VWF: variants seen among roughly 807,000 people sequenced by gnomAD.
VWF encodes Factor VIII related antigen.
Under a neutral mutation model 308.6 loss-of-function variants are expected in VWF, and 176 were observed. The observed-to-expected ratio is 0.57, with a 90% confidence interval of 0.50 to 0.65. VWF has a LOEUF of 0.65. VWF is among the 30% of genes least tolerant of loss of function. The pLI, the probability that VWF is intolerant of heterozygous loss-of-function variation, is 0.00. For synonymous variants in VWF, 1,385 were observed against 1,443.4 expected (o/e 0.96, Z 0.92); for missense variants, 3,146 against 3,648.2 (o/e 0.86, Z 3.55).
At chr12:6,029,787 T>C (rs1027436643) in intron 21 of VWF, among the ~76,000 whole-genome samples, 1 of 152,240 alleles carries the variant, frequency 6.6e-6, no homozygotes, top group Non-Finnish European at 1.5e-5. Flanking sequence ...GCAGGTATTT[T>C]ATTGACAATT....
chr12:5,957,512 A>G (rs1442632194), intron 47 of VWF, among the ~76,000 whole-genome samples: 1 of 152,146 alleles, frequency 6.6e-6, no homozygotes, highest in Non-Finnish European at 1.5e-5. Flanking sequence ...AAACTGTTAA[A>G]GCATCCAATA....
chr12:6,089,716 T>G (rs1945010296), intron 6 of VWF, among the ~76,000 whole-genome samples: 1 of 152,160 alleles, frequency 6.6e-6, no homozygotes, highest in Non-Finnish European at 1.5e-5. Flanking sequence ...AAGTACTTAC[T>G]CTGCACTGGG....
chr12:6,103,388 G>A (rs1473748544), intron 5 of VWF, among the ~76,000 whole-genome samples: 2 of 137,888 alleles, frequency 1.5e-5, no homozygotes, highest in African/African-American at 6.1e-5. Flanking sequence ...GTATACACGT[G>A]TGTGTATACA....
intron 35 of VWF, 37 bp downstream of exon 35, chr12:5,995,965 A>C: frequency 6.3e-7 from 1 of 1,599,620 alleles, no homozygotes; most frequent in Non-Finnish European, 8.5e-7. Flanking sequence ...CTGACATTCT[A>C]TTGCCTTACC....
chr12:6,064,097 C>T (rs1944685513), intron 12 of VWF, 149 bp downstream of exon 12: 3 of 1,296,608 alleles, frequency 2.3e-6, no homozygotes, highest in Non-Finnish European at 1.1e-6. Flanking sequence ...ATGCCAAGCA[C>T]CCCACCCTGC....
At chr12:6,086,636 A>T (rs903574378) in intron 6 of VWF, among the ~76,000 whole-genome samples, 1 of 152,196 alleles carries the variant, frequency 6.6e-6, no homozygotes, top group Non-Finnish European at 1.5e-5. Flanking sequence ...GAGAAGAAGG[A>T]GGGAAGGCAG....
rs1326014659 is a variant in VWF, at chr12:5,990,906, AAAT to A, written c.6798+910_6798+912del. On this transcript the variant is annotated intron_variant, in intron 38 of 51. Coordinates refer to ENST00000261405, the MANE Select transcript of VWF (RefSeq NM_000552.5). ...AAAAAAAAAAAAAAAAAAAAAAAAAAAATTTTGATGACTCAGTGACTCCCAAGC... is the reference window on the plus strand; with the variant it reads ...AAAAAAAAAAAAAAAAAAAAAAAAAATTTGATGACTCAGTGACTCCCAAGC... Among the ~76,000 whole-genome samples, 136 of 37,558 alleles carry A rather than the reference AAAT, an allele frequency of 3.6e-3. 20 individuals are homozygous for A. The highest frequency in any genetic ancestry group is 0.013 in the African/African-American group (127 of 9,830). 24.6% of individuals were successfully genotyped at this position (37,558 alleles called of 152,430 possible).
intron 38 of VWF, 34 bp downstream of exon 38, chr12:5,991,785 A>T: frequency 6.2e-7 from 1 of 1,609,814 alleles, no homozygotes; most frequent in Non-Finnish European, 8.5e-7. Context: ...AGAGGGAAGC[A>T]GCCCCATGGG....
At chr12:6,103,371 T>TGTGTGTGTGTATACAC (rs1555075236) in intron 5 of VWF, among the ~76,000 whole-genome samples, 41 of 134,494 alleles carry the variant, frequency 3.0e-4, no homozygotes, top group South Asian at 2.9e-3. Context: ...TATATATGTG[T>TGTGTGTGTGTATACAC]GTGTGTGTAT....
rs986718468 is a variant in VWF, at chr12:6,063,245, C to T, written c.1433-191G>A. On this transcript the variant is annotated intron_variant, in intron 12 of 51. Coordinates refer to ENST00000261405, the MANE Select transcript of VWF (RefSeq NM_000552.5). This position sits in a 1 kb window ranked among gnomAD's most constrained non-coding sequence, Gnocchi z 4.9. ...GGAAGGGTGATCAAGGTGGACAGAG[C>T]GCAAATAGGGTCCCCCAGGAAGAAG... Among the ~76,000 whole-genome samples the T allele has an allele frequency of 9.2e-5, 14 of 152,090 alleles. No homozygotes were observed. The highest frequency in any genetic ancestry group is 1.5e-4 in the Non-Finnish European group (10 of 68,014).
chr12:6,084,347 T>C (rs1418756932), intron 6 of VWF, among the ~76,000 whole-genome samples: 2 of 152,224 alleles, frequency 1.3e-5, no homozygotes, highest in Non-Finnish European at 2.9e-5. Context: ...CAGCTACTCC[T>C]GTCTTCTTTC....
rs561767704 is a variant in VWF at position 5,951,828 on chromosome 12, T to C, written c.8155+16A>G. ...CTGATGGGTTTCAAGGGACAAGATA[T>C]TAGTAACGCACTCACATGTGTCACA... On this transcript the variant is annotated intron_variant, in intron 50 of 51. Transcript: ENST00000261405. 2 of 1,614,152 alleles carry C rather than the reference T, an allele frequency of 1.2e-6. No individual in the cohort carries two copies. The highest frequency in any genetic ancestry group is 4.5e-5 in the East Asian group (2 of 44,886).
At chr12:5,957,899 A>C (rs981184931) in intron 47 of VWF, among the ~76,000 whole-genome samples, 2 of 152,220 alleles carry the variant, frequency 1.3e-5, no homozygotes, top group African/African-American at 4.8e-5. Context: ...TTTAAAGCAA[A>C]AATAATAGCA....
chr12:6,089,689 G>T (rs546143792), intron 6 of VWF, among the ~76,000 whole-genome samples: 3 of 152,226 alleles, frequency 2.0e-5, no homozygotes, highest in East Asian at 3.9e-4. Context: ...GTATTCCGAG[G>T]GTAGGGAACA....
At chr12:6,031,214 C>G (rs1342742532) in intron 21 of VWF, among the ~76,000 whole-genome samples, 2 of 152,222 alleles carry the variant, frequency 1.3e-5, no homozygotes, top group Non-Finnish European at 1.5e-5. Flanking sequence ...ATCCTTCACA[C>G]ACACTCTGCA....
intron 20 of VWF, among the ~76,000 whole-genome samples, chr12:6,033,328 T>A (rs1387905426): frequency 6.6e-6 from 1 of 151,920 alleles, no homozygotes; most frequent in Non-Finnish European, 1.5e-5. Context: ...GAACCAGCTG[T>A]AGGAAAGGAA....
intron 18 of VWF, among the ~76,000 whole-genome samples, chr12:6,042,607 C>T (rs998179095): frequency 5.3e-5 from 8 of 152,166 alleles, no homozygotes; most frequent in African/African-American, 9.7e-5. Flanking sequence ...AGTTAGAATC[C>T]CCTGTGGCTG....
At chr12:6,120,008 GCAGAGT>G (rs1189514801) in intron 3 of VWF, among the ~76,000 whole-genome samples, 1 of 152,222 alleles carries the variant, frequency 6.6e-6, no homozygotes, top group African/African-American at 2.4e-5. Context: ...AAGTTTCCCA[GCAGAGT>G]CAGGGCAGGT....
intron 5 of VWF, among the ~76,000 whole-genome samples, chr12:6,103,385 C>T (rs1021088260): frequency 6.1e-5 from 7 of 114,358 alleles, no homozygotes; most frequent in Admixed American, 3.3e-4. Context: ...TGTGTATACA[C>T]GTGTGTGTAT....
Sources: allele counts gnomAD v4.1 joint callset (sites outside exome capture counted in the v4.1 genomes callset), GRCh38; gene constraint gnomAD v4.1.1; non-coding constraint Gnocchi (gnomAD v3.1); transcripts MANE v1.5; gene names NCBI Gene and HGNC (gene_info 2026-07-23, HGNC 2026-07-21).